Variants in SMIM45 observed in about 807,000 individuals in gnomAD.
SMIM45 encodes small integral membrane protein 45.
the SMIM45 span, among the ~76,000 whole-genome samples, chr22:41,951,061 T>A: frequency 6.6e-6 from 1 of 152,220 alleles, no homozygotes; most frequent in Non-Finnish European, 1.5e-5. Flanking sequence ...GGACCTGTCA[T>A]ACCTGAAGAG....
chr22:41,949,285 A>G, the SMIM45 span, among the ~76,000 whole-genome samples: 2 of 152,052 alleles, frequency 1.3e-5, no homozygotes, highest in Non-Finnish European at 2.9e-5. Flanking sequence ...TGTCTGGCAG[A>G]AGAGATGGAT....
chr22:41,953,453 G>A, the SMIM45 span, among the ~76,000 whole-genome samples: 1 of 152,236 alleles, frequency 6.6e-6, no homozygotes. Context: ...GGGCATCGCT[G>A]GGGTTTGGCG....
the SMIM45 span, chr22:41,952,130 T>C: frequency 0.016 from 2,417 of 152,478 alleles, 65 homozygotes; most frequent in African/African-American, 0.054. Flanking sequence ...ATCCTGAGAG[T>C]GGGGGCTAGG....
At chr22:41,953,706 G>A in the SMIM45 span, among the ~76,000 whole-genome samples, 114,408 of 148,838 alleles carry the variant, frequency 0.77, 44,244 homozygotes, top group East Asian at 1. Flanking sequence ...GCATCATCCT[G>A]TCCCTGGAGG....
At chr22:41,956,581 G>A in the SMIM45 span, among the ~76,000 whole-genome samples, 1 of 152,204 alleles carries the variant, frequency 6.6e-6, no homozygotes, top group Non-Finnish European at 1.5e-5. Context: ...TGGGCCCCGG[G>A]GCTCAGGGGC....
the SMIM45 span, among the ~76,000 whole-genome samples, chr22:41,947,698 C>A: frequency 7.0e-6 from 1 of 141,944 alleles, no homozygotes. Context: ...TGGAGCGTCA[C>A]TTTGTTGCCC....
At chr22:41,947,213 T>A in the SMIM45 span, 1 of 735,390 alleles carries the variant, frequency 1.4e-6, no homozygotes, top group Non-Finnish European at 2.3e-6. Flanking sequence ...CGGGGCCTCT[T>A]AAAGGAACCG....
At chr22:41,958,306 C>T in the SMIM45 span, 3 of 456,740 alleles carry the variant, frequency 6.6e-6, no homozygotes, top group South Asian at 1.5e-5. Flanking sequence ...GGCACCGGCC[C>T]TGCAACTTTA....
the SMIM45 span, among the ~76,000 whole-genome samples, chr22:41,956,315 T>C: frequency 1.3e-5 from 2 of 152,296 alleles, no homozygotes; most frequent in Non-Finnish European, 2.9e-5. Context: ...CCAGCCCCAT[T>C]CCCATTTTAT....
At chr22:41,958,312 C>T in the SMIM45 span, 1 of 456,732 alleles carries the variant, frequency 2.2e-6, no homozygotes, top group Non-Finnish European at 4.4e-6. Context: ...GGCCCTGCAA[C>T]TTTAGGCAGG....
the SMIM45 span, among the ~76,000 whole-genome samples, chr22:41,956,537 G>C: frequency 6.6e-6 from 1 of 152,326 alleles, no homozygotes; most frequent in African/African-American, 2.4e-5. Flanking sequence ...GGCAGGTGCT[G>C]GCAACTGGCA....
chr22:41,949,827 G>A, the SMIM45 span, among the ~76,000 whole-genome samples: 1 of 152,166 alleles, frequency 6.6e-6, no homozygotes, highest in African/African-American at 2.4e-5. Context: ...CCACTTCACC[G>A]GGGCGGTGAT....
At chr22:41,948,836 G>A in the SMIM45 span, among the ~76,000 whole-genome samples, 1 of 152,164 alleles carries the variant, frequency 6.6e-6, no homozygotes, top group African/African-American at 2.4e-5. Flanking sequence ...GCCGAGGCGG[G>A]CGGATCACCT....
chr22:41,958,729 C>A, the SMIM45 span: 1 of 215,624 alleles, frequency 4.6e-6, no homozygotes, highest in Non-Finnish European at 9.6e-6. Context: ...CCCTCCCTCC[C>A]TGTCCTGTGC....
At chr22:41,952,984 A>G in the SMIM45 span, among the ~76,000 whole-genome samples, 4 of 152,158 alleles carry the variant, frequency 2.6e-5, no homozygotes, top group Non-Finnish European at 5.9e-5. Context: ...GCAGCACCAG[A>G]CAATCCTGCA....
At chr22:41,951,440 A>G in the SMIM45 span, among the ~76,000 whole-genome samples, 1 of 152,222 alleles carries the variant, frequency 6.6e-6, no homozygotes, top group Non-Finnish European at 1.5e-5. Flanking sequence ...CCTCATCCCA[A>G]AATGGGGTCT....
chr22:41,947,441 C>CA, the SMIM45 span, among the ~76,000 whole-genome samples: 1 of 150,954 alleles, frequency 6.6e-6, no homozygotes, highest in Admixed American at 6.6e-5. Context: ...AATCTCGGCT[C>CA]ACTGCAACTT....
chr22:41,951,514 G>A, the SMIM45 span, among the ~76,000 whole-genome samples: 1 of 152,112 alleles, frequency 6.6e-6, no homozygotes, highest in Non-Finnish European at 1.5e-5. Flanking sequence ...AGATGGGAGT[G>A]CTCAATGCCT....
chr22:41,955,535 G>T, the SMIM45 span, among the ~76,000 whole-genome samples: 2 of 152,066 alleles, frequency 1.3e-5, no homozygotes, highest in African/African-American at 2.4e-5. Flanking sequence ...GGCTGCATGC[G>T]GTGGCTCACG....
Sources: gnomAD v4.1 joint callset for allele counts (sites outside exome capture counted in the v4.1 genomes callset) on GRCh38, gnomAD v4.1.1 for gene constraint, MANE v1.5 for transcripts, NCBI Gene and HGNC (gene_info 2026-07-23, HGNC 2026-07-21) for gene names.